Variants in CCDC7 observed in about 807,000 individuals in gnomAD.
CCDC7 encodes coiled-coil domain containing 7.
Under a neutral mutation model 196.9 loss-of-function variants are expected in CCDC7, and 183 were observed. That is an observed-to-expected ratio of 0.93 (90% CI 0.82 to 1.05). CCDC7 has a LOEUF of 1.05. Among genes scored for constraint, CCDC7 ranks in the 50% least tolerant of loss-of-function variants. The pLI, the probability that CCDC7 is intolerant of heterozygous loss-of-function variation, is 0.00. For synonymous variants in CCDC7, 525 were observed against 484.6 expected (o/e 1.08, Z -1.10); for missense variants, 1,540 against 1,482.2 (o/e 1.04, Z -0.64).
intron 9 of CCDC7, among the ~76,000 whole-genome samples, chr10:32,516,319 G>A (rs2047022106): frequency 1.3e-5 from 2 of 150,916 alleles, no homozygotes; most frequent in African/African-American, 2.4e-5. Context: ...ATGGAGTCTC[G>A]CTCTGTTGTC....
upstream of CCDC7, among the ~76,000 whole-genome samples, chr10:32,443,707 A>G (rs1488701365): frequency 6.6e-6 from 1 of 151,686 alleles, no homozygotes; most frequent in African/African-American, 2.4e-5. Flanking sequence ...TAACTTTATA[A>G]CTCTTGAAAA....
At chr10:32,673,068 G>A (rs913927364) in intron 21 of CCDC7, among the ~76,000 whole-genome samples, 1 of 152,050 alleles carries the variant, frequency 6.6e-6, no homozygotes, top group Non-Finnish European at 1.5e-5. Context: ...TCCCTTTTGT[G>A]TATTCTTACC....
intron 28 of CCDC7, among the ~76,000 whole-genome samples, chr10:32,739,676 A>G (rs2085479050): frequency 6.6e-6 from 1 of 151,026 alleles, no homozygotes; most frequent in South Asian, 2.1e-4. Context: ...TACTTTTAGC[A>G]TGACTTGAAA....
rs879776881 is a variant in CCDC7 at position 32,713,465 on chromosome 10, G to C, written c.2569+1735G>C. On this transcript the variant is annotated intron_variant, in intron 25 of 41. Transcript: ENST00000639629. The stretch of plus-strand genomic sequence containing the variant: ...TATTTGTGAAAGATGAGAGATCTGG[G>C]TAAAAGTAGGAAGGGTCTGTATGTT... 3.9e-5 allele frequency among the ~76,000 whole-genome samples: 6 copies of C among 152,232 alleles called. No individual in the cohort carries two copies. The East Asian group carries it at 1.2e-3, about 29-fold the overall frequency.
intron 20 of CCDC7, among the ~76,000 whole-genome samples, chr10:32,639,149 G>T (rs1184368395): frequency 3.3e-5 from 5 of 151,996 alleles, no homozygotes; most frequent in African/African-American, 1.2e-4. Context: ...TGCTCTAGCG[G>T]TCTATCAATT....
intron 18 of CCDC7, among the ~76,000 whole-genome samples, chr10:32,629,159 TTA>T (rs758982790): frequency 1.6e-4 from 24 of 152,284 alleles, no homozygotes; most frequent in Admixed American, 4.6e-4. Context: ...AATATTTGCT[TTA>T]TGTTTTTAGG....
At chr10:32,544,176 C>T in intron 12 of CCDC7, 71 bp from the exon 14 acceptor site, 2 of 1,295,934 alleles carry the variant, frequency 1.5e-6, no homozygotes, top group Non-Finnish European at 2.1e-6. Flanking sequence ...TTAAAAAGTC[C>T]TCCTCAAGAA....
chr10:32,759,294 T>C (rs963250741), intron 28 of CCDC7, among the ~76,000 whole-genome samples: 1 of 152,196 alleles, frequency 6.6e-6, no homozygotes, highest in Non-Finnish European at 1.5e-5. Flanking sequence ...AAGTCAATCC[T>C]AAGCCAAAAG....
chr10:32,604,005 G>T (rs765040409), intron 18 of CCDC7, among the ~76,000 whole-genome samples: 1 of 151,738 alleles, frequency 6.6e-6, no homozygotes, highest in Non-Finnish European at 1.5e-5. Flanking sequence ...TTGTGATCAC[G>T]GCCATAAAAT....
At chr10:32,879,339 C>T (rs76816989), downstream of CCDC7, among the ~76,000 whole-genome samples, 5,828 of 152,136 alleles carry the variant, frequency 0.038, 115 homozygotes, top group Middle Eastern at 0.051. Context: ...AAACATGTTT[C>T]GCAGCTTAGC....
chr10:32,613,768 G>T (rs999297589), intron 18 of CCDC7, among the ~76,000 whole-genome samples: 9 of 151,754 alleles, frequency 5.9e-5, no homozygotes, highest in African/African-American at 1.9e-4. Flanking sequence ...TTGCATTGTG[G>T]TGATTTCTGT....
At chr10:32,520,709 G>A (rs1198697602) in intron 11 of CCDC7, among the ~76,000 whole-genome samples, 1 of 151,988 alleles carries the variant, frequency 6.6e-6, no homozygotes, top group East Asian at 1.9e-4. Context: ...TTGCTGTGCA[G>A]AAGCTTTTTA....
At chr10:32,788,924 G>A (rs1346260816) in intron 29 of CCDC7, among the ~76,000 whole-genome samples, 1 of 152,156 alleles carries the variant, frequency 6.6e-6, no homozygotes, top group African/African-American at 2.4e-5. Flanking sequence ...TGCAAAGCCA[G>A]CCAATGTGGA....
intron 24 of CCDC7, among the ~76,000 whole-genome samples, chr10:32,711,011 C>T (rs2080731731): frequency 6.6e-6 from 1 of 152,128 alleles, no homozygotes; most frequent in South Asian, 2.1e-4. Flanking sequence ...GGTAACTTCT[C>T]ACTGTATGTA....
At chr10:32,471,076 C>G (rs371134918) in exon 6 of CCDC7, 1 of 1,600,164 alleles carries the variant, frequency 6.2e-7, no homozygotes, top group South Asian at 1.1e-5. Flanking sequence ...AAGTAAAGAT[C>G]AAACTCTTTT....
Position 32,543,364 on chromosome 10 carries a change from GA to G in CCDC7, c.1062del (p.Lys354AsnfsTer17). 1 of 1,418,078 alleles carries G rather than the reference GA, an allele frequency of 7.1e-7. No individual in the cohort carries two copies. The highest frequency in any genetic ancestry group is 9.5e-7 in the Non-Finnish European group (1 of 1,055,376). The allele number at this position is 1,418,078 out of a possible 1,614,324, so 87.8% of individuals were successfully genotyped here. Reference sequence around the variant, plus strand: ...AAAACAGTGAAGAAAAAAGACAAAGGAAAATCTGAGGATTCAGAAAAGTAAG... The same window carrying G: ...AAAACAGTGAAGAAAAAAGACAAAGGAAATCTGAGGATTCAGAAAAGTAAG... On this transcript the variant is annotated frameshift_variant, in exon 12 of 42. Transcript: ENST00000639629. LOFTEE classifies it high-confidence loss of function.
intron 32 of CCDC7, among the ~76,000 whole-genome samples, chr10:32,833,072 T>G (rs2092336924): frequency 1.3e-5 from 2 of 152,068 alleles, no homozygotes; most frequent in Admixed American, 1.3e-4. Flanking sequence ...GTACTTGTTC[T>G]TCTTTCTTTT....
downstream of CCDC7, among the ~76,000 whole-genome samples, chr10:32,881,643 T>C (rs1565804357): frequency 6.6e-6 from 1 of 152,124 alleles, no homozygotes; most frequent in African/African-American, 2.4e-5. Flanking sequence ...CCTAACCCTT[T>C]TATCACCTTC....
At chr10:32,458,642 C>G (rs1471810452) in intron 3 of CCDC7, among the ~76,000 whole-genome samples, 1 of 151,972 alleles carries the variant, frequency 6.6e-6, no homozygotes, top group Non-Finnish European at 1.5e-5. Flanking sequence ...AACCATGATG[C>G]CTGGCTAACT....
Sources: gnomAD v4.1 joint callset for allele counts (sites outside exome capture counted in the v4.1 genomes callset) on GRCh38, gnomAD v4.1.1 for gene constraint, MANE v1.5 for transcripts, NCBI Gene and HGNC (gene_info 2026-07-23, HGNC 2026-07-21) for gene names.